Variants in EEA1 observed in about 807,000 individuals in gnomAD.
EEA1 encodes early endosome antigen 1, also known as early endosome antigen 1, 162kD.
EEA1 carries 111 observed loss-of-function variants against 209.2 expected under a neutral mutation model. That is an observed-to-expected ratio of 0.53 (90% CI 0.45 to 0.62). The LOEUF is 0.62. Among genes scored for constraint, EEA1 ranks in the 20% least tolerant of loss-of-function variants. EEA1 has a pLI of 0.00. For synonymous variants in EEA1, 536 were observed against 540.6 expected (o/e 0.99, Z 0.12); for missense variants, 1,343 against 1,530.8 (o/e 0.88, Z 2.05).
chr12:92,923,106 G>C (rs1369982688), intron 1 of EEA1, among the ~76,000 whole-genome samples: 1 of 152,072 alleles, frequency 6.6e-6, no homozygotes, highest in Non-Finnish European at 1.5e-5. Context: ...CCAGCACTTT[G>C]GGAGGCTGAG....
chr12:92,771,136 T>C lies in EEA1; in HGVS notation c.*4875A>G, dbSNP rs1370433779. 2 of 152,086 alleles carry C rather than the reference T, an allele frequency of 1.3e-5. No homozygotes were observed. Among genetic ancestry groups the C allele is most frequent in the African/African-American group, 2.4e-5 (1 of 41,438 alleles). 9.4% of individuals were successfully genotyped at this position (152,086 alleles called of 1,614,324 possible). ...TCATGGCAGGATATATACTATTAACTACATTCAAGGAACTAGTTCTTAGGG... is the reference window on the plus strand; with the variant it reads ...TCATGGCAGGATATATACTATTAACCACATTCAAGGAACTAGTTCTTAGGG... On this transcript the variant is annotated 3_prime_UTR_variant, in exon 29 of 29. Transcript: ENST00000322349.
intron 2 of EEA1, chr12:92,884,169 C>A: frequency 7.5e-7 from 1 of 1,325,496 alleles, no homozygotes; most frequent in African/African-American, 1.4e-5. Context: ...ATTGAAGTGA[C>A]TCAAATCATG....
At chr12:92,779,627 G>C (rs996449486) in intron 24 of EEA1, among the ~76,000 whole-genome samples, 1 of 151,916 alleles carries the variant, frequency 6.6e-6, no homozygotes, top group African/African-American at 2.4e-5. Context: ...TTACGTTCTG[G>C]GGATATAACA....
Position 92,852,283 on chromosome 12 carries a change from C to A in EEA1, c.534G>T (p.Lys178Asn), listed in dbSNP as rs757370970. ...CTCGAAGACTCCTTTCTTCATCATA[C>A]TTTGACTTTATATCTAATTAAAGAT... ...LATEIADIKS[K>N]YDEERSLREA... The change falls in exon 8 of 29, where the codon AAG becomes AAT. Residue 178 changes from lysine to asparagine, a missense_variant. Transcript: ENST00000322349. The A allele has an allele frequency of 4.4e-6, 7 of 1,578,246 alleles. 1 individual carries two copies. The highest frequency in any genetic ancestry group is 3.4e-4 in the Middle Eastern group (2 of 5,902).
chr12:92,876,436 T>C (rs1447656464), intron 2 of EEA1, among the ~76,000 whole-genome samples: 1 of 152,122 alleles, frequency 6.6e-6, no homozygotes, highest in African/African-American at 2.4e-5. Context: ...GGATAAATAC[T>C]TTTTAGTTTA....
intron 13 of EEA1, among the ~76,000 whole-genome samples, chr12:92,824,920 C>T (rs1876223560): frequency 6.6e-6 from 1 of 152,156 alleles, no homozygotes; most frequent in Non-Finnish European, 1.5e-5. Flanking sequence ...TTTTGACTAA[C>T]TGAATAAAGA....
At chr12:92,840,243 C>T (rs1877108855) in intron 10 of EEA1, among the ~76,000 whole-genome samples, 1 of 152,066 alleles carries the variant, frequency 6.6e-6, no homozygotes, top group Non-Finnish European at 1.5e-5. Flanking sequence ...GCCCCACCAC[C>T]AAAAAAGTAA....
intron 2 of EEA1, among the ~76,000 whole-genome samples, chr12:92,887,312 T>C (rs1282352829): frequency 6.7e-6 from 1 of 150,026 alleles, no homozygotes; most frequent in Non-Finnish European, 1.5e-5. Context: ...GAGTCACAGA[T>C]GGAGACCCCA....
chr12:92,835,505 G>A (rs897640152), intron 10 of EEA1: 10 of 232,634 alleles, frequency 4.3e-5, no homozygotes, highest in South Asian at 3.3e-4. Flanking sequence ...TCCACCTCCC[G>A]GGTTCACACC....
intron 1 of EEA1, among the ~76,000 whole-genome samples, chr12:92,908,499 ATAAG>A (rs1011023340): frequency 4.1e-4 from 62 of 152,298 alleles, no homozygotes; most frequent in African/African-American, 1.5e-3. Flanking sequence ...TAAAACCTAA[ATAAG>A]TATTATATTG....
chr12:92,891,711 C>A lies in EEA1; in HGVS notation c.35G>T (p.Arg12Ile). Reference sequence around the variant, plus strand: ...TAAATCAGAACCTTGAGAGCCAACTCTCCCAGGAGTCTGGAACACAAACAG... The same window carrying A: ...TAAATCAGAACCTTGAGAGCCAACTATCCCAGGAGTCTGGAACACAAACAG... ...LRRILQRTPG[R>I]VGSQGSDLDS... The change falls in exon 2 of 29, where the codon AGA (arginine) becomes ATA (isoleucine). Residue 12 changes from arginine to isoleucine, a missense_variant. Physicochemically the swap from Arg to Ile is moderately conservative, Grantham distance 97. Around this residue, in one of 3 missense-constraint regions of EEA1, gnomAD observed 1,307 missense variants for 1,465.5 expected, o/e 0.89. Coordinates refer to ENST00000322349, the MANE Select transcript of EEA1 (RefSeq NM_003566.4). 6.2e-7 allele frequency: 1 copy of A among 1,609,388 alleles called. No individual in the cohort carries two copies. Among genetic ancestry groups the A allele is most frequent in the South Asian group, 1.1e-5 (1 of 90,116 alleles).
chr12:92,888,324 T>C (rs1879499068), intron 2 of EEA1, among the ~76,000 whole-genome samples: 2 of 152,168 alleles, frequency 1.3e-5, no homozygotes, highest in Non-Finnish European at 2.9e-5. Context: ...CTTACGCCTG[T>C]AATGCCAGCA....
intron 17 of EEA1, among the ~76,000 whole-genome samples, chr12:92,810,868 A>G (rs946497167): frequency 1.3e-5 from 2 of 152,108 alleles, no homozygotes; most frequent in African/African-American, 4.8e-5. Flanking sequence ...CAAAGGGTAT[A>G]AAGTTCTAAA....
intron 2 of EEA1, among the ~76,000 whole-genome samples, chr12:92,874,880 T>C (rs570359381): frequency 1.3e-5 from 2 of 152,238 alleles, no homozygotes; most frequent in South Asian, 2.1e-4. Context: ...AAATGATACA[T>C]GAATAAGGTG....
chr12:92,840,977 T>C (rs1877140884), intron 10 of EEA1, among the ~76,000 whole-genome samples: 1 of 152,172 alleles, frequency 6.6e-6, no homozygotes, highest in Non-Finnish European at 1.5e-5. Flanking sequence ...CTCTTGTTCT[T>C]TTCACCATGT....
rs118081497 is a variant in EEA1, at chr12:92,782,070, A to T, written c.3216T>A (p.Asn1072Lys). 2.6e-3 allele frequency: 4,217 copies of T among 1,612,704 alleles called. 114 individuals carry two copies. In the Admixed American group the frequency reaches 0.051, roughly 19 times the overall value. ...TCAGTTCTTGAATCAATTTATTTTG[A>T]TTTCCAATTTGATTTCTGTTTGAAA... ...DLISNRNQIG[N>K]QNKLIQELKT... The change falls in exon 23 of 29, where the codon AAT becomes AAA. Residue 1072 changes from asparagine (N) to lysine (K), a missense_variant. By Grantham distance (94) the Asn-to-Lys change is moderately conservative. Around this residue, in one of 3 missense-constraint regions of EEA1, gnomAD observed 1,307 missense variants for 1,465.5 expected, o/e 0.89. Coordinates refer to ENST00000322349, the MANE Select transcript of EEA1 (RefSeq NM_003566.4).
intron 2 of EEA1, 45 bp from the exon 3 acceptor site, chr12:92,865,032 T>C (rs61935280): frequency 0.28 from 400,734 of 1,438,636 alleles, 62,913 homozygotes; most frequent in Non-Finnish European, 0.32. Context: ...TATTTAATAT[T>C]GTGAAATAAC....
chr12:92,859,346 G>A lies in EEA1; in HGVS notation c.246-1861C>T. 8 of 955,502 alleles carry A rather than the reference G, an allele frequency of 8.4e-6. 1 individual carries two copies. In the South Asian group the frequency reaches 1.2e-4, roughly 14 times the overall value. The allele number at this position is 955,502 out of a possible 1,614,324, so 59.2% of individuals were successfully genotyped here. On this transcript the variant is annotated intron_variant, in intron 3 of 28. Transcript: ENST00000322349. ...GAAGCCTTCAAGCTCTGAGGGAAAG[G>A]GCCTTCCTTCCTAAATTTTCCTGTC...
Position 92,826,560 on chromosome 12 carries a change from C to A in EEA1, c.1405-275G>T, listed in dbSNP as rs538634473. 2.6e-3 allele frequency among the ~76,000 whole-genome samples: 389 copies of A among 147,918 alleles called. 3 individuals carry two copies. The highest frequency in any genetic ancestry group is 8.9e-3 in the African/African-American group (361 of 40,736). On this transcript the variant is annotated intron_variant, in intron 12 of 28. Coordinates refer to ENST00000322349, the MANE Select transcript of EEA1 (RefSeq NM_003566.4). The stretch of plus-strand genomic sequence containing the variant: ...CTGTCTCTACTAAAAAAAAAAAATA[C>A]AAAAATTAGCCGGGCATGGTGGCAG...
Sources: allele counts gnomAD v4.1 joint callset (sites outside exome capture counted in the v4.1 genomes callset), GRCh38; gene constraint gnomAD v4.1.1; regional missense constraint gnomAD v4.1.1; transcripts MANE v1.5; gene names NCBI Gene and HGNC (gene_info 2026-07-23, HGNC 2026-07-21).